The following MAST2 variants were observed in gnomAD, a reference collection of about 807,000 sequenced individuals.
MAST2 encodes microtubule-associated serine/threonine-protein kinase 2.
A neutral mutation model predicts 147.4 loss-of-function variants in MAST2; 70 were observed. That is an observed-to-expected ratio of 0.47 (90% CI 0.39 to 0.58). The LOEUF (loss-of-function observed/expected upper bound fraction) is 0.58. Ranked by LOEUF, MAST2 falls within the 20% of genes least tolerant of loss-of-function variation. The probability of loss-of-function intolerance (pLI) is 0.00; values close to 1 mark genes in which losing one functional copy is unlikely to be tolerated. For missense variants in MAST2, 2,080 were observed against 2,302.3 expected, an observed-to-expected ratio of 0.90 and a Z score of 1.98; for synonymous variants, 869 against 896.8, an observed-to-expected ratio of 0.97 and a Z score of 0.55.
intron 1 of MAST2, among the ~76,000 whole-genome samples, chr1:45,809,793 C>T (rs1644240916): frequency 6.6e-6 from 1 of 152,164 alleles, no homozygotes; most frequent in Non-Finnish European, 1.5e-5. Context: ...TCTCAAAATT[C>T]TGTGGTTTAA....
chr1:45,970,988 A>G (rs1213434595), intron 5 of MAST2, among the ~76,000 whole-genome samples: 1 of 152,204 alleles, frequency 6.6e-6, no homozygotes, highest in Non-Finnish European at 1.5e-5. Context: ...ATATTGCATC[A>G]GTCTAGGCCC....
intron 4 of MAST2, among the ~76,000 whole-genome samples, chr1:45,951,797 A>G (rs184556311): frequency 5.6e-4 from 86 of 152,334 alleles, no homozygotes; most frequent in African/African-American, 1.9e-3. Flanking sequence ...GATATAAACT[A>G]TGAATGAAAG....
chr1:45,872,571 G>A (rs1156641517), intron 3 of MAST2, among the ~76,000 whole-genome samples: 1 of 150,122 alleles, frequency 6.7e-6, no homozygotes, highest in Non-Finnish European at 1.5e-5. Flanking sequence ...ACCTCCACTT[G>A]CTGGGTTCAA....
chr1:45,991,287 A>G lies in MAST2; in HGVS notation c.593-6437A>G, dbSNP rs1644847109. 2.6e-5 allele frequency among the ~76,000 whole-genome samples: 4 copies of G among 152,152 alleles called. No individual in the cohort carries two copies. The South Asian group carries it at 8.3e-4, about 32-fold the overall frequency. On this transcript the variant is annotated intron_variant, in intron 5 of 28. Transcript: ENST00000361297. ...TCCACCATGTTGTCTTGATCACTAT[A>G]GCTTTATAGTGAGTCTTGAGGTCAG...
In MAST2 at chr1:45,947,306, T is replaced by TAA. The variant is rs55827908; in HGVS notation, c.501-12056_501-12055dup. ...TACACTAATGATAGCTGATGAGCTT[T>TAA]AAAAAAAAAAAAAAAAAAAAAAAAA... On this transcript the variant is annotated intron_variant, in intron 4 of 28. Transcript: ENST00000361297. Among the ~76,000 whole-genome samples, 17 of 112,654 alleles carry TAA rather than the reference T, an allele frequency of 1.5e-4. No individual in the cohort carries two copies. The Middle Eastern group carries it at 0.019, about 129-fold the overall frequency. 73.9% of individuals were successfully genotyped at this position (112,654 alleles called of 152,430 possible).
At chr1:45,893,430 A>G (rs1029782477) in intron 4 of MAST2, among the ~76,000 whole-genome samples, 3 of 151,668 alleles carry the variant, frequency 2.0e-5, no homozygotes, top group Non-Finnish European at 4.4e-5. Flanking sequence ...GGGTAGAGAT[A>G]GGGTCTTGTA....
rs1345871550 is a variant in MAST2, at chr1:46,010,919, T to G, written c.1168T>G (p.Leu390Val). ...SQYFYELQDN[L>V]EKLLQDAHER... Reference sequence around the variant, plus strand: ...ATACTTCTACGAACTTCAAGATAATTTGGAGAAACTTTTACAAGATGTGAG... The same window carrying G: ...ATACTTCTACGAACTTCAAGATAATGTGGAGAAACTTTTACAAGATGTGAG... The change falls in exon 10 of 29, where the codon TTG (leucine) becomes GTG (valine). Residue 390 changes from leucine to valine, a missense_variant. Physicochemically the swap from Leu to Val is conservative, Grantham distance 32 (BLOSUM62 1). Around this residue, in one of 4 missense-constraint regions of MAST2, gnomAD observed 569 missense variants for 642.5 expected, o/e 0.89. Coordinates refer to ENST00000361297, the MANE Select transcript of MAST2 (RefSeq NM_015112.3). 4.3e-6 allele frequency: 7 copies of G among 1,614,006 alleles called. No individual in the cohort carries two copies. Among genetic ancestry groups the G allele is most frequent in the Non-Finnish European group, 5.1e-6 (6 of 1,179,976 alleles).
At chr1:45,973,844 G>A (rs1010564604) in intron 5 of MAST2, among the ~76,000 whole-genome samples, 17 of 152,338 alleles carry the variant, frequency 1.1e-4, no homozygotes, top group African/African-American at 4.1e-4. Flanking sequence ...CCAGTGGGAT[G>A]TAGCAATGTA....
intron 3 of MAST2, among the ~76,000 whole-genome samples, chr1:45,873,656 C>G (rs867561931): frequency 6.6e-5 from 10 of 152,014 alleles, no homozygotes; most frequent in Admixed American, 3.3e-4. Flanking sequence ...TAATGACTGA[C>G]CAAGATTTTA....
rs796461929 is a variant in MAST2 at position 46,025,548 on chromosome 1, CAG to C, written c.1781-126_1781-125del. On this transcript the variant is annotated intron_variant, in intron 15 of 28. Transcript: ENST00000361297. ...ATGCCAGCAGCAAAGGGGCTAGAATCAGAGTCTCCAGCACCAGGATATTCCAT... is the reference window on the plus strand; with the variant it reads ...ATGCCAGCAGCAAAGGGGCTAGAATCAGTCTCCAGCACCAGGATATTCCAT... 1.6e-5 allele frequency: 18 copies of C among 1,117,870 alleles called. No homozygotes were observed. The African/African-American group carries it at 2.3e-4, about 14-fold the overall frequency. 69.2% of individuals were successfully genotyped at this position (1,117,870 alleles called of 1,614,324 possible).
At chr1:45,969,684 C>T (rs769566757) in intron 5 of MAST2, among the ~76,000 whole-genome samples, 5 of 151,816 alleles carry the variant, frequency 3.3e-5, no homozygotes, top group Non-Finnish European at 7.4e-5. Flanking sequence ...AAGTTCAGGG[C>T]TCCCACTGAT....
intron 5 of MAST2, among the ~76,000 whole-genome samples, chr1:45,960,247 G>A (rs1012245807): frequency 2.0e-5 from 3 of 152,134 alleles, no homozygotes; most frequent in Non-Finnish European, 2.9e-5. Flanking sequence ...AGTGGCTCCC[G>A]CCTGTAATCC....
intron 5 of MAST2, among the ~76,000 whole-genome samples, chr1:45,993,684 A>C (rs911172014): frequency 3.3e-5 from 5 of 151,756 alleles, no homozygotes; most frequent in African/African-American, 1.2e-4. Context: ...ACTCCATCTC[A>C]AAAAAAAATT....
chr1:46,006,177 TC>T, intron 7 of MAST2, 63 bp from the exon 8 acceptor site: 1 of 1,482,148 alleles, frequency 6.7e-7, no homozygotes, highest in South Asian at 1.4e-5. Context: ...TTTCAGTCCT[TC>T]CCCATTCTTG....
At chr1:45,973,751 TAA>T (rs1245240729) in intron 5 of MAST2, among the ~76,000 whole-genome samples, 3 of 152,066 alleles carry the variant, frequency 2.0e-5, no homozygotes, top group Non-Finnish European at 4.4e-5. Flanking sequence ...GGAAACCACA[TAA>T]AAAGAGTATT....
At chr1:45,956,442 T>C (rs1385741008) in intron 4 of MAST2, among the ~76,000 whole-genome samples, 1 of 152,156 alleles carries the variant, frequency 6.6e-6, no homozygotes, top group Non-Finnish European at 1.5e-5. Context: ...TCAGCATGAG[T>C]CTGTCTTTGA....
At chr1:46,008,870 G>A (rs932718083) in intron 9 of MAST2, among the ~76,000 whole-genome samples, 5 of 152,240 alleles carry the variant, frequency 3.3e-5, no homozygotes, top group African/African-American at 1.2e-4. Flanking sequence ...AGAGAGAGCA[G>A]TAGGAGTGGG....
At chr1:45,987,071 C>CT (rs1644654469) in intron 5 of MAST2, among the ~76,000 whole-genome samples, 1 of 152,160 alleles carries the variant, frequency 6.6e-6, no homozygotes, top group Admixed American at 6.5e-5. Context: ...GTTAGGTTAT[C>CT]TGTTACTGAG....
intron 3 of MAST2, among the ~76,000 whole-genome samples, chr1:45,859,647 G>T (rs1645911809): frequency 6.6e-6 from 1 of 152,190 alleles, no homozygotes; most frequent in Non-Finnish European, 1.5e-5. Context: ...ACCATGTAAA[G>T]AACCTTATAG....
Sources: gnomAD v4.1 joint callset for allele counts (sites outside exome capture counted in the v4.1 genomes callset) on GRCh38, gnomAD v4.1.1 for gene constraint, gnomAD v4.1.1 regional missense constraint, MANE v1.5 for transcripts, NCBI Gene and HGNC (gene_info 2026-07-23, HGNC 2026-07-21) for gene names.